FHIT: variants seen among roughly 807,000 people sequenced by gnomAD.
The protein encoded by FHIT is fragile histidine triad diadenosine triphosphatase.
FHIT carries 19 observed loss-of-function variants against 17.9 expected under a neutral mutation model. That is an observed-to-expected ratio of 1.06 (90% CI 0.74 to 1.56). FHIT has a LOEUF of 1.56. Among genes scored for constraint, FHIT ranks in the 40% most tolerant of loss-of-function variants. FHIT has a pLI of 0.00. For missense variants in FHIT, 248 were observed against 189.2 expected (o/e 1.31, Z -1.82); for synonymous variants, 81 against 69.7 (o/e 1.16, Z -0.81).
intron 3 of FHIT, among the ~76,000 whole-genome samples, chr3:61,031,126 GTTA>G (rs1440420524): frequency 6.6e-6 from 1 of 152,154 alleles, no homozygotes; most frequent in Non-Finnish European, 1.5e-5. Context: ...ATAAGTAAAA[GTTA>G]TTATTATTTT....
At chr3:61,235,305 C>G (rs2040202551) in intron 1 of FHIT, among the ~76,000 whole-genome samples, 1 of 152,076 alleles carries the variant, frequency 6.6e-6, no homozygotes, top group South Asian at 2.1e-4. Flanking sequence ...CTCTGAGCTT[C>G]AGTTTTCTCG....
chr3:60,646,576 A>G (rs1444094159), intron 4 of FHIT, among the ~76,000 whole-genome samples: 2 of 152,238 alleles, frequency 1.3e-5, no homozygotes, highest in South Asian at 4.1e-4. Flanking sequence ...GCCAAAAAGA[A>G]TATTTTAAAG....
At chr3:60,296,102 G>A (rs553632158) in intron 5 of FHIT, among the ~76,000 whole-genome samples, 1 of 152,150 alleles carries the variant, frequency 6.6e-6, no homozygotes, top group East Asian at 1.9e-4. Context: ...TGCCATGATT[G>A]TGTGGCCTCC....
At position 60,074,962 on chromosome 3, in the gene FHIT, C is replaced by T. The variant is rs556392571; in HGVS notation, c.104-60810G>A. On this transcript the variant is annotated intron_variant, in intron 5 of 9. Coordinates refer to ENST00000492590, the MANE Select transcript of FHIT (RefSeq NM_002012.4). ...GATCCAAGACATGAAGCAATGAAAA[C>T]GAATGGGTGAATGTTACAGCAAACT... Among the ~76,000 whole-genome samples the T allele has an allele frequency of 9.2e-5, 14 of 152,094 alleles. No individual in the cohort carries two copies. The South Asian group carries it at 1.5e-3, about 16-fold the overall frequency.
intron 4 of FHIT, among the ~76,000 whole-genome samples, chr3:60,712,077 G>T (rs138854830): frequency 0.069 from 10,563 of 152,216 alleles, 469 homozygotes; most frequent in Admixed American, 0.11. Flanking sequence ...CTGATCTCTC[G>T]GCAGAAATAC....
rs190647611 is a variant in FHIT at position 60,558,598 on chromosome 3, T to C, written c.-17-21619A>G. 3.7e-3 allele frequency among the ~76,000 whole-genome samples: 563 copies of C among 152,058 alleles called. 5 individuals are homozygous for C. The highest frequency in any genetic ancestry group is 0.013 in the African/African-American group (531 of 41,498). Reference sequence around the variant, plus strand: ...ACATTTTTCCCCACTAAATGCACATTCCCAGGAGCTCCGACCTCCAGTCAA... The same window carrying C: ...ACATTTTTCCCCACTAAATGCACATCCCCAGGAGCTCCGACCTCCAGTCAA... On this transcript the variant is annotated intron_variant, in intron 4 of 9. Transcript: ENST00000492590.
At chr3:60,126,962 T>C (rs1452667377) in intron 5 of FHIT, among the ~76,000 whole-genome samples, 1 of 152,196 alleles carries the variant, frequency 6.6e-6, no homozygotes, top group African/African-American at 2.4e-5. Context: ...AACCACCATC[T>C]CTGCCATTTT....
intron 5 of FHIT, among the ~76,000 whole-genome samples, chr3:60,283,746 G>T (rs370629200): frequency 9.3e-4 from 141 of 152,104 alleles, no homozygotes; most frequent in African/African-American, 3.3e-3. Context: ...GACCTGTAAA[G>T]AAATTAAGTG....
chr3:60,894,278 G>C (rs1438893810), intron 3 of FHIT, among the ~76,000 whole-genome samples: 1 of 152,184 alleles, frequency 6.6e-6, no homozygotes, highest in Non-Finnish European at 1.5e-5. Flanking sequence ...AAGCCTTTCA[G>C]GTGAACATTA....
chr3:61,079,660 GCACACATGCGTGTGCACACA>G (rs1396876947), intron 2 of FHIT, among the ~76,000 whole-genome samples: 1 of 152,066 alleles, frequency 6.6e-6, no homozygotes, highest in South Asian at 2.1e-4. Flanking sequence ...ACATGCACAG[GCACACATGCGTGTGCACACA>G]CACACATACA....
chr3:61,212,833 G>C (rs139800820), intron 1 of FHIT, among the ~76,000 whole-genome samples: 417 of 152,350 alleles, frequency 2.7e-3, no homozygotes, highest in Non-Finnish European at 4.1e-3. Flanking sequence ...CCAGAAGAGA[G>C]TGGAGGAGGC....
chr3:60,923,887 G>A (rs1217685449), intron 3 of FHIT, among the ~76,000 whole-genome samples: 1 of 152,218 alleles, frequency 6.6e-6, no homozygotes, highest in Admixed American at 6.5e-5. Context: ...AATGGTCTTA[G>A]CAAACGGCAC....
chr3:59,841,313 C>A (rs1701525668), intron 8 of FHIT, among the ~76,000 whole-genome samples: 2 of 152,124 alleles, frequency 1.3e-5, no homozygotes, highest in South Asian at 4.1e-4. Flanking sequence ...CAAGGAGGGA[C>A]TTGGCCTCCC....
intron 5 of FHIT, among the ~76,000 whole-genome samples, chr3:60,105,907 C>T (rs192700160): frequency 1.9e-3 from 296 of 152,318 alleles, no homozygotes; most frequent in African/African-American, 6.6e-3. Context: ...CCCTCCTGAT[C>T]TGCAGTTTCC....
intron 5 of FHIT, among the ~76,000 whole-genome samples, chr3:60,028,532 C>T (rs1700851000): frequency 1.3e-5 from 2 of 152,140 alleles, no homozygotes; most frequent in Non-Finnish European, 2.9e-5. Context: ...TTTTGTATCC[C>T]ACTGATCTTC....
At chr3:60,205,257 G>A (rs532566200) in intron 5 of FHIT, among the ~76,000 whole-genome samples, 5 of 152,192 alleles carry the variant, frequency 3.3e-5, no homozygotes, top group South Asian at 2.1e-4. Flanking sequence ...TTTCCTCAAA[G>A]AATTATTGAA....
intron 5 of FHIT, among the ~76,000 whole-genome samples, chr3:60,019,619 C>T (rs765139363): frequency 1.3e-5 from 2 of 152,050 alleles, no homozygotes; most frequent in South Asian, 2.1e-4. Context: ...GGTTTCTCCA[C>T]GTTGGTCAGG....
At chr3:60,779,150 T>A (rs953780700) in intron 4 of FHIT, among the ~76,000 whole-genome samples, 1 of 152,218 alleles carries the variant, frequency 6.6e-6, no homozygotes, top group Non-Finnish European at 1.5e-5. Flanking sequence ...TCAGGCCAAG[T>A]GTAAGACTAA....
intron 5 of FHIT, among the ~76,000 whole-genome samples, chr3:60,504,429 T>A (rs980183722): frequency 7.5e-5 from 8 of 107,032 alleles, no homozygotes; most frequent in Non-Finnish European, 1.3e-4. Context: ...AGACCCCGTC[T>A]CAAAAAAAAA....
Sources: gnomAD v4.1 joint callset for allele counts (sites outside exome capture counted in the v4.1 genomes callset) on GRCh38, gnomAD v4.1.1 for gene constraint, MANE v1.5 for transcripts, NCBI Gene and HGNC (gene_info 2026-07-23, HGNC 2026-07-21) for gene names.